The following COLEC10 variants were observed in gnomAD, a reference collection of about 807,000 sequenced individuals.
COLEC10 encodes the protein collectin subfamily member 10.
In COLEC10, 22 loss-of-function variants were observed where a neutral mutation model predicts 28.4. The ratio of observed to expected loss-of-function variants is 0.78; its 90% CI spans 0.55 to 1.11. The LOEUF (loss-of-function observed/expected upper bound fraction) is 1.11, where lower values mean the gene tolerates loss of function less well. COLEC10 is among the 50% of genes least tolerant of loss of function. COLEC10 has a pLI of 0.00. For missense variants in COLEC10, 361 were observed against 344.1 expected, an observed-to-expected ratio of 1.05 and a Z score of -0.39; for synonymous variants, 125 against 116.1, an observed-to-expected ratio of 1.08 and a Z score of -0.49.
chr8:119,036,731 G>A (rs1814395134), intron 2 of COLEC10, among the ~76,000 whole-genome samples: 1 of 152,190 alleles, frequency 6.6e-6, no homozygotes, highest in Non-Finnish European at 1.5e-5. Context: ...ATTTAAGGAA[G>A]AGTCATTTAC....
chr8:118,979,944 TCA>T, the COLEC10 span, among the ~76,000 whole-genome samples: 393 of 152,174 alleles, frequency 2.6e-3, 2 homozygotes, highest in African/African-American at 9.0e-3. Context: ...ACTGATGGTC[TCA>T]GTTTCTTGTC....
At chr8:119,076,532 G>A (rs1045804430) in intron 1 of COLEC10, among the ~76,000 whole-genome samples, 2 of 152,138 alleles carry the variant, frequency 1.3e-5, no homozygotes, top group African/African-American at 4.8e-5. Context: ...CAAAGTTTTG[G>A]GATTACAGGC....
chr8:119,101,221 G>C (rs1815818429), intron 3 of COLEC10, among the ~76,000 whole-genome samples: 1 of 152,098 alleles, frequency 6.6e-6, no homozygotes, highest in East Asian at 1.9e-4. Flanking sequence ...ATTCCTGTGA[G>C]GGTAAGCTCC....
At chr8:119,093,070 T>G (rs1815642646) in intron 3 of COLEC10, among the ~76,000 whole-genome samples, 1 of 152,192 alleles carries the variant, frequency 6.6e-6, no homozygotes, top group African/African-American at 2.4e-5. Context: ...CAAGAGATGC[T>G]TGTACAAAAA....
chr8:118,988,363 T>C, the COLEC10 span, among the ~76,000 whole-genome samples: 2 of 152,112 alleles, frequency 1.3e-5, no homozygotes, highest in Non-Finnish European at 1.5e-5. Flanking sequence ...GTAGTCTCCA[T>C]GTGAAAGTCT....
the COLEC10 span, among the ~76,000 whole-genome samples, chr8:118,958,856 G>A: frequency 6.6e-6 from 1 of 152,176 alleles, no homozygotes; most frequent in Non-Finnish European, 1.5e-5. Flanking sequence ...CCTCACTAGT[G>A]CATCATTATA....
intron 1 of COLEC10, among the ~76,000 whole-genome samples, chr8:119,006,261 A>G (rs928547311): frequency 6.6e-6 from 1 of 152,068 alleles, no homozygotes; most frequent in Non-Finnish European, 1.5e-5. Context: ...GGAAACTTCA[A>G]GTTTTCTTGC....
At chr8:119,049,488 CACT>C (rs2130172910) in intron 2 of COLEC10, among the ~76,000 whole-genome samples, 1 of 134,618 alleles carries the variant, frequency 7.4e-6, no homozygotes, top group African/African-American at 2.8e-5. Flanking sequence ...AATCTGGGCT[CACT>C]GCAGGCTTCG....
chr8:119,003,682 A>G (rs2130068199), intron 1 of COLEC10, among the ~76,000 whole-genome samples: 1 of 152,174 alleles, frequency 6.6e-6, no homozygotes, highest in Admixed American at 6.6e-5. Context: ...GCTTCATAGT[A>G]AGAGAGATCT....
chr8:118,977,003 T>C, the COLEC10 span, among the ~76,000 whole-genome samples: 1 of 150,240 alleles, frequency 6.7e-6, no homozygotes, highest in East Asian at 2.0e-4. Flanking sequence ...GAAAAAATGC[T>C]CATCATCACT....
chr8:119,080,467 G>A (rs530789084), intron 1 of COLEC10, among the ~76,000 whole-genome samples: 2 of 151,960 alleles, frequency 1.3e-5, no homozygotes, highest in South Asian at 4.2e-4. Context: ...ATACTCCAAG[G>A]CAACAATTAG....
chr8:119,023,495 C>T (rs1814133693), intron 2 of COLEC10, among the ~76,000 whole-genome samples: 1 of 152,048 alleles, frequency 6.6e-6, no homozygotes, highest in Admixed American at 6.6e-5. Context: ...GAAATGAAAT[C>T]AACAGAACTA....
At chr8:119,094,802 A>T (rs1331783436) in intron 3 of COLEC10, among the ~76,000 whole-genome samples, 2 of 152,192 alleles carry the variant, frequency 1.3e-5, no homozygotes, top group African/African-American at 4.8e-5. Flanking sequence ...ATACCTATTC[A>T]TGTTTTTAAA....
Position 119,027,107 on chromosome 8 carries a change from AATAGT to A in COLEC10, n.235+17558_235+17562del, listed in dbSNP as rs377666614. ...TCCACTGCTATAAAACAGGAATAAC[AATAGT>A]ATATATATATCACATGGTTTGTTGT... On this transcript the variant is annotated intron_variant and non_coding_transcript_variant, in intron 2 of 6. Transcript: ENST00000521788. Among the ~76,000 whole-genome samples the A allele has an allele frequency of 5.9e-5, 9 of 152,298 alleles. No individual in the cohort carries two copies. The East Asian group carries it at 9.7e-4, about 16-fold the overall frequency.
chr8:118,978,337 C>T, the COLEC10 span, among the ~76,000 whole-genome samples: 2 of 152,068 alleles, frequency 1.3e-5, no homozygotes, highest in African/African-American at 4.8e-5. Flanking sequence ...TTAGAAGTCT[C>T]AAATATCCAA....
At chr8:119,090,075 C>T (rs528427493) in intron 2 of COLEC10, among the ~76,000 whole-genome samples, 1 of 136,570 alleles carries the variant, frequency 7.3e-6, no homozygotes, top group Admixed American at 7.3e-5. Flanking sequence ...CCTTCTAAAG[C>T]CACTGCTAAG....
At chr8:119,091,965 A>T (rs1815613557) in intron 3 of COLEC10, among the ~76,000 whole-genome samples, 1 of 152,208 alleles carries the variant, frequency 6.6e-6, no homozygotes. Context: ...TTCTTTTTTA[A>T]TCTGAGTGGA....
intron 2 of COLEC10, among the ~76,000 whole-genome samples, chr8:119,090,514 C>T (rs1158295060): frequency 6.6e-6 from 1 of 152,174 alleles, no homozygotes; most frequent in Non-Finnish European, 1.5e-5. Flanking sequence ...GAAATGCTGA[C>T]TTAAACCTAT....
chr8:119,048,509 A>G (rs1209824593), intron 2 of COLEC10, among the ~76,000 whole-genome samples: 1 of 152,208 alleles, frequency 6.6e-6, no homozygotes, highest in African/African-American at 2.4e-5. Flanking sequence ...TGTATTATGA[A>G]TCTGGGTGCT....
Sources: gnomAD v4.1 joint callset for allele counts (sites outside exome capture counted in the v4.1 genomes callset) on GRCh38, gnomAD v4.1.1 for gene constraint, MANE v1.5 for transcripts, NCBI Gene and HGNC (gene_info 2026-07-23, HGNC 2026-07-21) for gene names.